SLC24A2: variants seen among roughly 807,000 people sequenced by gnomAD.
SLC24A2 encodes the protein sodium/potassium/calcium exchanger 2.
SLC24A2 carries 36 observed loss-of-function variants against 62.0 expected under a neutral mutation model. The ratio of observed to expected loss-of-function variants is 0.58; its 90% CI spans 0.44 to 0.77. The LOEUF (loss-of-function observed/expected upper bound fraction) is 0.77, where lower values mean the gene tolerates loss of function less well. Among genes scored for constraint, SLC24A2 ranks in the 30% least tolerant of loss-of-function variants. The pLI, the probability that SLC24A2 is intolerant of heterozygous loss-of-function variation, is 0.00. For synonymous variants in SLC24A2, 358 were observed against 294.0 expected (o/e 1.22, Z -2.23); for missense variants, 846 against 817.9 (o/e 1.03, Z -0.42).
the SLC24A2 span, among the ~76,000 whole-genome samples, chr9:19,850,946 CATATATATATATATATATATGTAT>C: frequency 4.0e-5 from 1 of 24,720 alleles, no homozygotes; most frequent in Admixed American, 6.8e-4. Context: ...TATATATATA[CATATATATATATATATATATGTAT>C]ATATATATAT....
intron 2 of SLC24A2, among the ~76,000 whole-genome samples, chr9:19,763,612 G>A (rs1450723172): frequency 2.6e-5 from 4 of 152,186 alleles, no homozygotes; most frequent in Admixed American, 6.5e-5. Flanking sequence ...GATGGATTAT[G>A]TTTATTGATT....
At chr9:19,620,478 C>T (rs1303121214) in intron 3 of SLC24A2, among the ~76,000 whole-genome samples, 1 of 152,216 alleles carries the variant, frequency 6.6e-6, no homozygotes, top group African/African-American at 2.4e-5. Flanking sequence ...TTGAGGGGGG[C>T]TCCTTTTGCA....
At chr9:19,925,038 G>T in the SLC24A2 span, among the ~76,000 whole-genome samples, 3 of 152,178 alleles carry the variant, frequency 2.0e-5, no homozygotes, top group Non-Finnish European at 4.4e-5. Flanking sequence ...TCTATAGCAT[G>T]CTTGGACCCT....
At chr9:20,089,919 T>G in the SLC24A2 span, among the ~76,000 whole-genome samples, 1 of 151,966 alleles carries the variant, frequency 6.6e-6, no homozygotes, top group African/African-American at 2.4e-5. Flanking sequence ...TGCAGCTACC[T>G]CTCTCCACTG....
At chr9:19,673,646 C>T (rs544085643) in intron 2 of SLC24A2, among the ~76,000 whole-genome samples, 19 of 152,246 alleles carry the variant, frequency 1.2e-4, no homozygotes, top group South Asian at 4.1e-4. Context: ...GATGCAGTTT[C>T]GCTATGTTGG....
At chr9:20,026,800 G>T in the SLC24A2 span, among the ~76,000 whole-genome samples, 4 of 152,008 alleles carry the variant, frequency 2.6e-5, no homozygotes, top group Admixed American at 6.6e-5. Flanking sequence ...AAAAGCACAG[G>T]CAACAAAAGC....
the SLC24A2 span, among the ~76,000 whole-genome samples, chr9:20,189,092 T>TTTC: frequency 2.1e-5 from 3 of 142,878 alleles, no homozygotes; most frequent in African/African-American, 2.6e-5. Context: ...TTTTTTTTTT[T>TTTC]CCCAGTTGAT....
the SLC24A2 span, among the ~76,000 whole-genome samples, chr9:20,111,533 G>A: frequency 6.6e-6 from 1 of 151,998 alleles, no homozygotes; most frequent in South Asian, 2.1e-4. Flanking sequence ...TTTCTACCAG[G>A]GCCCTAACTG....
At chr9:19,778,190 G>C (rs975305218) in intron 2 of SLC24A2, among the ~76,000 whole-genome samples, 22 of 152,140 alleles carry the variant, frequency 1.4e-4, no homozygotes, top group African/African-American at 4.8e-4. Context: ...TAAAATGTTG[G>C]AATATTACAC....
chr9:19,587,935 G>GA (rs1364689975), intron 5 of SLC24A2, among the ~76,000 whole-genome samples: 1 of 152,142 alleles, frequency 6.6e-6, no homozygotes, highest in Non-Finnish European at 1.5e-5. Context: ...TGAAAAGCTG[G>GA]ATGTATTCTA....
At chr9:19,938,220 G>A in the SLC24A2 span, among the ~76,000 whole-genome samples, 1 of 151,910 alleles carries the variant, frequency 6.6e-6, no homozygotes, top group Non-Finnish European at 1.5e-5. Flanking sequence ...GTATATTTAG[G>A]TTATCTAGCC....
the SLC24A2 span, among the ~76,000 whole-genome samples, chr9:20,079,592 T>C: frequency 4.6e-5 from 7 of 152,194 alleles, no homozygotes; most frequent in Non-Finnish European, 8.8e-5. Flanking sequence ...TTTTGCAGTT[T>C]TGAATAATGG....
chr9:20,047,323 G>A, the SLC24A2 span, among the ~76,000 whole-genome samples: 3 of 151,806 alleles, frequency 2.0e-5, no homozygotes, highest in South Asian at 6.3e-4. Flanking sequence ...AAAAGGGAGG[G>A]TTATAGGGTC....
At chr9:20,144,808 A>C in the SLC24A2 span, among the ~76,000 whole-genome samples, 1 of 152,072 alleles carries the variant, frequency 6.6e-6, no homozygotes, top group Non-Finnish European at 1.5e-5. Context: ...CATTCATAAA[A>C]CACTCTGTAA....
At chr9:19,975,292 G>A in the SLC24A2 span, among the ~76,000 whole-genome samples, 1 of 151,964 alleles carries the variant, frequency 6.6e-6, no homozygotes, top group Non-Finnish European at 1.5e-5. Flanking sequence ...ATATTCTGAT[G>A]TCCCCTCTTA....
chr9:19,924,067 CAG>C, the SLC24A2 span, among the ~76,000 whole-genome samples: 4 of 152,180 alleles, frequency 2.6e-5, no homozygotes, highest in Non-Finnish European at 5.9e-5. Flanking sequence ...GATGAACAAA[CAG>C]AAATTACACT....
At chr9:19,775,079 T>C (rs938443762) in intron 2 of SLC24A2, among the ~76,000 whole-genome samples, 4 of 152,188 alleles carry the variant, frequency 2.6e-5, no homozygotes, top group Non-Finnish European at 5.9e-5. Flanking sequence ...CCAGGCTTAG[T>C]CCTGCTGATG....
chr9:19,600,706 G>A (rs925658066), intron 4 of SLC24A2, among the ~76,000 whole-genome samples: 2 of 151,922 alleles, frequency 1.3e-5, no homozygotes, highest in Non-Finnish European at 2.9e-5. Flanking sequence ...CAATATCAGT[G>A]GTTACTGATT....
At chr9:19,683,819 T>C (rs771358340) in intron 2 of SLC24A2, among the ~76,000 whole-genome samples, 1 of 152,088 alleles carries the variant, frequency 6.6e-6, no homozygotes, top group Non-Finnish European at 1.5e-5. Context: ...AGGAAACACT[T>C]AAAAAAGCTG....
Sources: allele counts gnomAD v4.1 joint callset (sites outside exome capture counted in the v4.1 genomes callset), GRCh38; gene constraint gnomAD v4.1.1; transcripts MANE v1.5; gene names NCBI Gene and HGNC (gene_info 2026-07-23, HGNC 2026-07-21).